The following CFAP276 variants were observed in gnomAD, a reference collection of about 807,000 sequenced individuals.
CFAP276 encodes cilia and flagella associated protein 276, also known as cilia- and flagella-associated protein 276.
the CFAP276 span, chr1:109,106,112 A>G: frequency 1.0e-5 from 16 of 1,604,438 alleles, no homozygotes. Context: ...TGGAGAAAAG[A>G]GAAGAGGAAG....
At chr1:109,112,534 A>G in the CFAP276 span, 1 of 1,541,914 alleles carries the variant, frequency 6.5e-7, no homozygotes, top group Non-Finnish European at 8.8e-7. Flanking sequence ...ATCTCTGCTC[A>G]TCACACAGAC....
At chr1:109,107,145 A>T in the CFAP276 span, 3 of 1,576,624 alleles carry the variant, frequency 1.9e-6, no homozygotes, top group Admixed American at 1.7e-5. Context: ...GTCCCCCCCA[A>T]GGTTAGCTCA....
chr1:109,106,924 TATC>T, the CFAP276 span: 4 of 1,105,850 alleles, frequency 3.6e-6, no homozygotes, highest in Non-Finnish European at 5.4e-6. Flanking sequence ...ACCTAGTGAT[TATC>T]ATTTTCCAGG....
chr1:109,108,006 G>A, the CFAP276 span: 1 of 1,583,256 alleles, frequency 6.3e-7, no homozygotes, highest in Non-Finnish European at 8.6e-7. Context: ...CTGCTGCTGA[G>A]CAAGGTGTGT....
At chr1:109,113,562 T>A in the CFAP276 span, 2 of 1,533,342 alleles carry the variant, frequency 1.3e-6, no homozygotes, top group East Asian at 4.5e-5. Context: ...TCTAGCCGGT[T>A]GTAAAAGCAC....
the CFAP276 span, chr1:109,106,805 A>G: frequency 1.0e-6 from 1 of 987,950 alleles, no homozygotes; most frequent in African/African-American, 1.6e-5. Flanking sequence ...TTTTGTTTAT[A>G]CAGATGAGCA....
At chr1:109,113,683 TTCTC>T in the CFAP276 span, 1 of 1,614,048 alleles carries the variant, frequency 6.2e-7, no homozygotes, top group Non-Finnish European at 8.5e-7. Context: ...TCCATCTTCT[TTCTC>T]TCGGTTCACA....
chr1:109,108,106 A>C, the CFAP276 span: 1 of 1,105,424 alleles, frequency 9.0e-7, no homozygotes, highest in Non-Finnish European at 1.4e-6. Flanking sequence ...GGTTAGCTTC[A>C]GTAGCATCCC....
chr1:109,108,168 AATCTCACTCT>A, the CFAP276 span: 2 of 711,332 alleles, frequency 2.8e-6, no homozygotes, highest in Non-Finnish European at 2.4e-6. Flanking sequence ...TTTGAGACAG[AATCTCACTCT>A]GTCATAGAAG....
the CFAP276 span, among the ~76,000 whole-genome samples, chr1:109,107,382 C>A: frequency 5.3e-5 from 8 of 152,162 alleles, no homozygotes; most frequent in Non-Finnish European, 1.0e-4. Flanking sequence ...ATGAACTTTA[C>A]CTCATTCATG....
At chr1:109,111,010 C>T in the CFAP276 span, among the ~76,000 whole-genome samples, 25,430 of 152,114 alleles carry the variant, frequency 0.17, 2,768 homozygotes, top group East Asian at 0.42. Context: ...TGCACCTGAT[C>T]ACCACCCCCT....
At chr1:109,107,390 A>G in the CFAP276 span, among the ~76,000 whole-genome samples, 2 of 152,180 alleles carry the variant, frequency 1.3e-5, no homozygotes, top group African/African-American at 2.4e-5. Flanking sequence ...TACCTCATTC[A>G]TGTTTATATT....
the CFAP276 span, chr1:109,106,129 G>C: frequency 8.9e-6 from 14 of 1,572,954 alleles, no homozygotes; most frequent in Non-Finnish European, 1.2e-5. Context: ...GAAGTGGACT[G>C]AATTTCAGAT....
chr1:109,106,044 C>T, the CFAP276 span: 1 of 1,613,482 alleles, frequency 6.2e-7, no homozygotes, highest in Non-Finnish European at 8.5e-7. Flanking sequence ...GGAGAAGAAG[C>T]CACCATCTTT....
At chr1:109,113,798 T>A in the CFAP276 span, 6 of 1,125,506 alleles carry the variant, frequency 5.3e-6, no homozygotes, top group African/African-American at 1.5e-5. Flanking sequence ...ATGCTTCCAC[T>A]GTGTTCTTCA....
At chr1:109,113,423 AGAGAGAGAGAGAGAGAGAG>A in the CFAP276 span, among the ~76,000 whole-genome samples, 4 of 62,614 alleles carry the variant, frequency 6.4e-5, no homozygotes, top group Non-Finnish European at 7.6e-5. Flanking sequence ...AGAAAGAGAG[AGAGAGAGAGAGAGAGAGAG>A]AGAGAGAGAG....
the CFAP276 span, among the ~76,000 whole-genome samples, chr1:109,113,464 GA>G: frequency 7.0e-5 from 9 of 128,106 alleles, no homozygotes; most frequent in East Asian, 2.3e-4. Flanking sequence ...GAGAGAGAGA[GA>G]GAGGCCCACG....
chr1:109,106,116 G>A, the CFAP276 span: 8 of 1,599,440 alleles, frequency 5.0e-6, no homozygotes, highest in Non-Finnish European at 6.8e-6. Context: ...GAAAAGAGAA[G>A]AGGAAGTGGA....
the CFAP276 span, chr1:109,112,691 T>C: frequency 6.5e-7 from 1 of 1,549,886 alleles, no homozygotes; most frequent in Non-Finnish European, 8.7e-7. Context: ...GCTAAATGCC[T>C]AACTCTTTTA....
Sources: allele counts gnomAD v4.1 joint callset (sites outside exome capture counted in the v4.1 genomes callset), GRCh38; gene constraint gnomAD v4.1.1; transcripts MANE v1.5; gene names NCBI Gene and HGNC (gene_info 2026-07-23, HGNC 2026-07-21).